Variants in GNA14 observed in about 807,000 individuals in gnomAD.
GNA14 encodes the protein guanine nucleotide-binding protein subunit alpha-14.
GNA14 carries 50 observed loss-of-function variants against 42.0 expected under a neutral mutation model. That is an observed-to-expected ratio of 1.19 (90% CI 0.95 to 1.51). The LOEUF is 1.51. Ranked by LOEUF, GNA14 falls within the 40% of genes most tolerant of loss-of-function variation. The probability of loss-of-function intolerance (pLI) is 0.00; values close to 1 mark genes in which losing one functional copy is unlikely to be tolerated. For missense variants in GNA14, 473 were observed against 446.2 expected (o/e 1.06, Z -0.54); for synonymous variants, 173 against 163.1 (o/e 1.06, Z -0.46).
At chr9:77,616,099 C>G (rs1000310943) in intron 1 of GNA14, among the ~76,000 whole-genome samples, 8 of 152,138 alleles carry the variant, frequency 5.3e-5, no homozygotes, top group African/African-American at 1.9e-4. Context: ...TACAAGTAAA[C>G]CATGAGAGGC....
chr9:77,559,217 C>T (rs1564053568), intron 1 of GNA14, among the ~76,000 whole-genome samples: 2 of 152,094 alleles, frequency 1.3e-5, no homozygotes, highest in Admixed American at 6.6e-5. Context: ...GTTCAAAGTC[C>T]AACTGCTCAG....
At chr9:77,640,871 C>CAAA (rs1178043976) in intron 1 of GNA14, among the ~76,000 whole-genome samples, 518 of 26,910 alleles carry the variant, frequency 0.019, 5 homozygotes, top group African/African-American at 0.04. Flanking sequence ...ATAAAATGCT[C>CAAA]AAAAAAAAAA....
At chr9:77,434,810 C>A (rs536142946) in intron 2 of GNA14, among the ~76,000 whole-genome samples, 138 of 152,310 alleles carry the variant, frequency 9.1e-4, no homozygotes, top group Admixed American at 2.7e-3. Context: ...CATTCAACAA[C>A]ACCCAGTGGT....
At chr9:77,563,861 G>GCAT (rs1232426577) in intron 1 of GNA14, among the ~76,000 whole-genome samples, 1 of 152,132 alleles carries the variant, frequency 6.6e-6, no homozygotes, top group Admixed American at 6.5e-5. Context: ...GGGTCTTGAA[G>GCAT]CATTACATGT....
chr9:77,523,694 C>T (rs927526159), intron 2 of GNA14, among the ~76,000 whole-genome samples: 7 of 152,124 alleles, frequency 4.6e-5, no homozygotes, highest in South Asian at 4.1e-4. Flanking sequence ...TGTAGTTTGG[C>T]GCTCCTCTAA....
chr9:77,632,251 C>A lies in GNA14; in HGVS notation c.124+15419G>T, dbSNP rs146890765. On this transcript the variant is annotated intron_variant, in intron 1 of 6. Transcript: ENST00000341700. ...GAAGCTTGGTGCTGGGCCACAGGCA[C>A]CTCTTGGCACATGGGCATCCTGGGT... is the stretch of plus-strand genomic sequence containing the variant. Among the ~76,000 whole-genome samples the A allele has an allele frequency of 3.2e-4, 49 of 152,326 alleles. No individual in the cohort carries two copies. The East Asian group carries it at 9.5e-3, about 29-fold the overall frequency.
chr9:77,510,639 T>C (rs1458658467), intron 2 of GNA14, among the ~76,000 whole-genome samples: 2 of 152,218 alleles, frequency 1.3e-5, no homozygotes, highest in African/African-American at 4.8e-5. Context: ...ACTGTGGCAG[T>C]TAGGTTTGGT....
intron 2 of GNA14, among the ~76,000 whole-genome samples, chr9:77,516,071 C>G (rs1837253361): frequency 6.7e-6 from 1 of 150,350 alleles, no homozygotes; most frequent in African/African-American, 2.5e-5. Context: ...ACATGACCCG[C>G]AAGCAGAGAG....
intron 1 of GNA14, among the ~76,000 whole-genome samples, chr9:77,565,610 G>A (rs180966572): frequency 6.6e-5 from 10 of 151,942 alleles, no homozygotes; most frequent in East Asian, 1.9e-4. Flanking sequence ...GGCATGCGCC[G>A]CCATGCCTGC....
At chr9:77,645,479 A>C (rs1824337993) in intron 1 of GNA14, among the ~76,000 whole-genome samples, 1 of 152,176 alleles carries the variant, frequency 6.6e-6, no homozygotes, top group Non-Finnish European at 1.5e-5. Context: ...GTGGTTTAGA[A>C]ACTATTTTTC....
chr9:77,493,989 T>C (rs2131738380), intron 2 of GNA14, among the ~76,000 whole-genome samples: 1 of 152,304 alleles, frequency 6.6e-6, no homozygotes, highest in East Asian at 1.9e-4. Context: ...GGCACAATCT[T>C]GGCTCACAGC....
intron 2 of GNA14, among the ~76,000 whole-genome samples, chr9:77,477,956 G>C (rs1391970689): frequency 6.7e-6 from 1 of 149,986 alleles, no homozygotes. Context: ...TATCCAGGCA[G>C]TGTAATAGCG....
chr9:77,557,889 G>T (rs544448052), intron 1 of GNA14, among the ~76,000 whole-genome samples: 3 of 152,152 alleles, frequency 2.0e-5, no homozygotes, highest in African/African-American at 7.2e-5. Context: ...GCAGCCCTTA[G>T]GGATTATCTT....
intron 2 of GNA14, among the ~76,000 whole-genome samples, chr9:77,472,788 ATCTCTCTC>A (rs34429720): frequency 7.7e-5 from 11 of 142,102 alleles, no homozygotes; most frequent in South Asian, 2.4e-4. Flanking sequence ...ACATGACATG[ATCTCTCTC>A]TCTCTCTCTC....
At chr9:77,460,893 C>A (rs986855086) in intron 2 of GNA14, among the ~76,000 whole-genome samples, 4 of 152,298 alleles carry the variant, frequency 2.6e-5, no homozygotes, top group Non-Finnish European at 4.4e-5. Context: ...ATTTATAGCA[C>A]CTCTCCCTTA....
chr9:77,536,844 T>G (rs1242287475), intron 1 of GNA14, among the ~76,000 whole-genome samples: 2 of 152,254 alleles, frequency 1.3e-5, no homozygotes, highest in African/African-American at 2.4e-5. Flanking sequence ...TAACAAGTTT[T>G]AATCACAGAG....
chr9:77,561,106 T>A (rs1044967343), intron 1 of GNA14, among the ~76,000 whole-genome samples: 7 of 152,222 alleles, frequency 4.6e-5, no homozygotes, highest in Non-Finnish European at 1.0e-4. Context: ...AAAAGGCTTT[T>A]ATATAGGAAT....
chr9:77,499,909 A>T (rs2131742369), intron 2 of GNA14, among the ~76,000 whole-genome samples: 1 of 152,246 alleles, frequency 6.6e-6, no homozygotes, highest in East Asian at 1.9e-4. Context: ...ACCCTGAAAT[A>T]TGATTCTTTC....
intron 1 of GNA14, among the ~76,000 whole-genome samples, chr9:77,576,319 A>G (rs373887760): frequency 6.6e-6 from 1 of 152,218 alleles, no homozygotes; most frequent in Non-Finnish European, 1.5e-5. Flanking sequence ...ATAAATCCAC[A>G]TATTTTTATT....
Sources: gnomAD v4.1 joint callset for allele counts (sites outside exome capture counted in the v4.1 genomes callset) on GRCh38, gnomAD v4.1.1 for gene constraint, MANE v1.5 for transcripts, NCBI Gene and HGNC (gene_info 2026-07-23, HGNC 2026-07-21) for gene names.